Variants in ERBB4 observed in about 807,000 individuals in gnomAD.
ERBB4 encodes receptor tyrosine-protein kinase erbB-4.
ERBB4 carries 42 observed loss-of-function variants against 158.0 expected under a neutral mutation model. The ratio of observed to expected loss-of-function variants is 0.27; its 90% CI spans 0.21 to 0.34. ERBB4 has a LOEUF of 0.34. Among genes scored for constraint, ERBB4 ranks in the 10% least tolerant of loss-of-function variants. The pLI is 1.00. For synonymous variants in ERBB4, 583 were observed against 558.7 expected, an observed-to-expected ratio of 1.04 and a Z score of -0.61; for missense variants, 1,333 against 1,624.1, an observed-to-expected ratio of 0.82 and a Z score of 3.08.
chr2:211,580,812 A>T (rs867261762), intron 19 of ERBB4, among the ~76,000 whole-genome samples: 5 of 48,270 alleles, frequency 1.0e-4, no homozygotes, highest in East Asian at 5.8e-4. Context: ...ATATATATAT[A>T]ATATATATAT....
chr2:211,398,385 A>G (rs1252327825), intron 25 of ERBB4, among the ~76,000 whole-genome samples: 1 of 152,248 alleles, frequency 6.6e-6, no homozygotes, highest in African/African-American at 2.4e-5. Flanking sequence ...CTTCTGATAC[A>G]GAAGTAAACT....
intron 1 of ERBB4, among the ~76,000 whole-genome samples, chr2:212,415,152 G>A (rs556611839): frequency 6.6e-6 from 1 of 152,212 alleles, no homozygotes; most frequent in East Asian, 1.9e-4. Context: ...ACGTACTTTG[G>A]TATCCTAGAA....
At chr2:212,014,634 C>T (rs2076465859) in intron 2 of ERBB4, among the ~76,000 whole-genome samples, 1 of 152,062 alleles carries the variant, frequency 6.6e-6, no homozygotes, top group African/African-American at 2.4e-5. Flanking sequence ...TTTACTGCTT[C>T]AAACACACCT....
intron 19 of ERBB4, among the ~76,000 whole-genome samples, chr2:211,612,818 TATA>T (rs2069250250): frequency 6.6e-6 from 1 of 151,540 alleles, no homozygotes; most frequent in African/African-American, 2.4e-5. Context: ...GACAAAAGAG[TATA>T]AAAAGAAGAG....
At chr2:211,484,054 T>C (rs1217068743) in intron 20 of ERBB4, among the ~76,000 whole-genome samples, 1 of 152,170 alleles carries the variant, frequency 6.6e-6, no homozygotes, top group East Asian at 1.9e-4. Context: ...TCACAAGAAA[T>C]GTTAGAGTTC....
chr2:211,448,467 TACACACAC>T (rs3067955), intron 20 of ERBB4, among the ~76,000 whole-genome samples: 6 of 149,538 alleles, frequency 4.0e-5, no homozygotes, highest in Non-Finnish European at 5.9e-5. Context: ...CCCAAACAGA[TACACACAC>T]ACACACACAC....
chr2:211,668,591 CT>C (rs1001529962), intron 14 of ERBB4, among the ~76,000 whole-genome samples: 8 of 149,320 alleles, frequency 5.4e-5, no homozygotes, highest in East Asian at 2.0e-4. Context: ...AGAAGCATGA[CT>C]TTTTTTTTTG....
At chr2:212,343,214 T>C (rs892133455) in intron 1 of ERBB4, among the ~76,000 whole-genome samples, 12 of 152,156 alleles carry the variant, frequency 7.9e-5, no homozygotes, top group Admixed American at 2.0e-4. Flanking sequence ...CCACTAATAA[T>C]ACTCTTGAAA....
intron 3 of ERBB4, among the ~76,000 whole-genome samples, chr2:211,897,288 C>T (rs769342754): frequency 2.6e-5 from 4 of 151,856 alleles, no homozygotes; most frequent in African/African-American, 4.8e-5. Flanking sequence ...TGTGAAAGTA[C>T]TGTAAAAATG....
At chr2:211,746,271 T>C (rs180794035) in intron 5 of ERBB4, among the ~76,000 whole-genome samples, 1 of 152,204 alleles carries the variant, frequency 6.6e-6, no homozygotes, top group Non-Finnish European at 1.5e-5. Context: ...TGAAACACTG[T>C]CTCTAAAGCA....
At chr2:212,286,030 A>T (rs2085947650) in intron 1 of ERBB4, among the ~76,000 whole-genome samples, 1 of 152,164 alleles carries the variant, frequency 6.6e-6, no homozygotes, top group East Asian at 1.9e-4. Flanking sequence ...CGACACAGAT[A>T]TAGTCAAATG....
chr2:212,273,004 A>G (rs1359742599), intron 1 of ERBB4, among the ~76,000 whole-genome samples: 1 of 151,698 alleles, frequency 6.6e-6, no homozygotes, highest in East Asian at 1.9e-4. Context: ...ACATATTTCT[A>G]TAAGGGTACA....
intron 20 of ERBB4, among the ~76,000 whole-genome samples, chr2:211,437,697 G>A (rs1034615452): frequency 6.6e-5 from 10 of 152,098 alleles, no homozygotes; most frequent in Non-Finnish European, 1.3e-4. Flanking sequence ...GCTGCAGTCA[G>A]CTCTCACAGG....
intron 2 of ERBB4, among the ~76,000 whole-genome samples, chr2:211,993,423 A>G (rs1433162154): frequency 6.6e-6 from 1 of 152,102 alleles, no homozygotes; most frequent in African/African-American, 2.4e-5. Context: ...GAGAAAATAA[A>G]CTTCTGCTGT....
At chr2:211,516,307 T>C (rs1055741703) in intron 20 of ERBB4, among the ~76,000 whole-genome samples, 1 of 151,750 alleles carries the variant, frequency 6.6e-6, no homozygotes, top group African/African-American at 2.4e-5. Context: ...TGTGGGTTTG[T>C]TAAAACTTTA....
At chr2:212,434,131 T>C (rs962444572) in intron 1 of ERBB4, among the ~76,000 whole-genome samples, 33 of 151,970 alleles carry the variant, frequency 2.2e-4, no homozygotes, top group African/African-American at 7.7e-4. Flanking sequence ...ATAACCAATC[T>C]AAAATAGAAT....
At chr2:212,222,482 AC>A (rs1166683385) in intron 1 of ERBB4, among the ~76,000 whole-genome samples, 4 of 151,684 alleles carry the variant, frequency 2.6e-5, no homozygotes, top group African/African-American at 7.2e-5. Context: ...GTTATCAATG[AC>A]TTTTTTACTG....
intron 8 of ERBB4, among the ~76,000 whole-genome samples, chr2:211,712,523 C>T (rs1559446778): frequency 6.6e-6 from 1 of 152,060 alleles, no homozygotes; most frequent in Non-Finnish European, 1.5e-5. Flanking sequence ...TTTCTACTTT[C>T]TTTGAAAATA....
At chr2:212,216,798 A>G (rs891943624) in intron 1 of ERBB4, among the ~76,000 whole-genome samples, 2 of 151,386 alleles carry the variant, frequency 1.3e-5, no homozygotes, top group African/African-American at 4.8e-5. Flanking sequence ...TATGGCCCAC[A>G]GCATTTATAA....
Sources: gnomAD v4.1 joint callset for allele counts (sites outside exome capture counted in the v4.1 genomes callset) on GRCh38, gnomAD v4.1.1 for gene constraint, MANE v1.5 for transcripts, NCBI Gene and HGNC (gene_info 2026-07-23, HGNC 2026-07-21) for gene names.